The following SLC7A7 variants were observed in gnomAD, a reference collection of about 807,000 sequenced individuals.
SLC7A7 encodes Y+L amino acid transporter 1.
SLC7A7 carries 39 observed loss-of-function variants against 47.9 expected under a neutral mutation model. The ratio of observed to expected loss-of-function variants is 0.81; its 90% CI spans 0.63 to 1.06. SLC7A7 has a LOEUF of 1.06. Among genes scored for constraint, SLC7A7 ranks in the 50% least tolerant of loss-of-function variants. The probability of loss-of-function intolerance (pLI) is 0.00; values close to 1 mark genes in which losing one functional copy is unlikely to be tolerated. For synonymous variants in SLC7A7, 234 were observed against 242.8 expected, an observed-to-expected ratio of 0.96 and a Z score of 0.34; for missense variants, 588 against 632.0, an observed-to-expected ratio of 0.93 and a Z score of 0.75.
At chr14:22,817,020 A>T (rs4982681), upstream of SLC7A7, among the ~76,000 whole-genome samples, 3 of 151,848 alleles carry the variant, frequency 2.0e-5, no homozygotes, top group African/African-American at 4.8e-5. Context: ...GGACTTAAGC[A>T]CATTATCTCA....
At chr14:22,818,607 G>GA (rs2039437951), upstream of SLC7A7, among the ~76,000 whole-genome samples, 1 of 129,898 alleles carries the variant, frequency 7.7e-6, no homozygotes, top group African/African-American at 3.2e-5. Flanking sequence ...TTGGTTTTTG[G>GA]GTTTTTTTTA....
chr14:22,813,451 G>A lies in SLC7A7; in HGVS notation c.-42-11C>T, dbSNP rs371332274. 819 of 1,599,036 alleles carry A rather than the reference G, an allele frequency of 5.1e-4. 5 individuals carry two copies. The South Asian group carries it at 8.6e-3, about 17-fold the overall frequency. ...CTTCCTGGCATTGCCCTTTAAGGAA[G>A]AAAGATGATGCTATAGATTAGGTGG... On this transcript the variant is annotated splice_polypyrimidine_tract_variant and intron_variant, in intron 1 of 9. Coordinates refer to ENST00000674313, the MANE Select transcript of SLC7A7 (RefSeq NM_003982.4).
In SLC7A7 at chr14:22,811,645, T is replaced by C. The variant is rs141077504; in HGVS notation, c.499+1255A>G. Among the ~76,000 whole-genome samples the C allele has an allele frequency of 5.1e-3, 770 of 151,402 alleles. 8 individuals are homozygous for C. The highest frequency in any genetic ancestry group is 0.018 in the African/African-American group (728 of 41,240). On this transcript the variant is annotated intron_variant, in intron 2 of 9. Transcript: ENST00000674313. The stretch of plus-strand genomic sequence containing the variant: ...CAGGTAGATCACTTGAGCTCAGGAG[T>C]TCGAGTCCAGCCTGGCCAACACAGT...
intron 2 of SLC7A7, among the ~76,000 whole-genome samples, chr14:22,793,826 A>AT (rs1319740858): frequency 6.6e-6 from 1 of 152,060 alleles, no homozygotes; most frequent in African/African-American, 2.4e-5. Flanking sequence ...GAAAAAAAAA[A>AT]AGAAATTATG....
At chr14:22,787,162 G>A (rs541873177) in intron 2 of SLC7A7, among the ~76,000 whole-genome samples, 5 of 152,232 alleles carry the variant, frequency 3.3e-5, no homozygotes, top group South Asian at 4.1e-4. Flanking sequence ...AGGGCCGGGC[G>A]CAGTGGCTCA....
At chr14:22,797,973 C>A (rs1309433038) in intron 2 of SLC7A7, among the ~76,000 whole-genome samples, 1 of 152,144 alleles carries the variant, frequency 6.6e-6, no homozygotes, top group African/African-American at 2.4e-5. Flanking sequence ...GATCACATTT[C>A]TATGAGGTAG....
rs1024292346 is a variant in SLC7A7 at position 22,785,945 on chromosome 14, C to A, written c.500-5894G>T. ...GCTGAGGCAGGAGAATGACGTGAAC[C>A]CGGGAGGCGGAGCTTGCAGTGAACC... On this transcript the variant is annotated intron_variant, in intron 2 of 9. Transcript: ENST00000674313. 1.3e-5 allele frequency among the ~76,000 whole-genome samples: 2 copies of A among 150,870 alleles called. 1 individual carries two copies. Among genetic ancestry groups the A allele is most frequent in the Admixed American group, 1.3e-4 (2 of 15,096 alleles).
intron 2 of SLC7A7, among the ~76,000 whole-genome samples, chr14:22,803,931 T>C (rs2139441764): frequency 6.6e-6 from 1 of 152,314 alleles, no homozygotes; most frequent in South Asian, 2.1e-4. Flanking sequence ...GCCCAACATG[T>C]TCAGAAAAAA....
At chr14:22,773,850 A>G in intron 9 of SLC7A7, 83 bp downstream of exon 9, 2 of 1,583,476 alleles carry the variant, frequency 1.3e-6, no homozygotes, top group African/African-American at 1.3e-5. Context: ...TAAGGCAAAG[A>G]TGTCTTTGGA....
intron 5 of SLC7A7, 44 bp from the exon 6 acceptor site, chr14:22,775,980 G>A (rs374532972): frequency 1.3e-6 from 2 of 1,525,104 alleles, no homozygotes; most frequent in Non-Finnish European, 9.1e-7. Context: ...ATCTAAAAGG[G>A]ATGAAAGACA....
chr14:22,773,687 A>G lies in SLC7A7; in HGVS notation c.1459T>C (p.Cys487Arg). 1.2e-6 allele frequency: 2 copies of G among 1,614,204 alleles called. No homozygotes were observed. The highest frequency in any genetic ancestry group is 1.7e-6 in the Non-Finnish European group (2 of 1,180,034). Residue 487 changes from cysteine to arginine, a missense_variant, in exon 10 of 10, where the codon TGT (cysteine) becomes CGT (arginine). Physicochemically the swap from Cys to Arg is radical, Grantham distance 180 (BLOSUM62 -3). Coordinates refer to ENST00000674313, the MANE Select transcript of SLC7A7 (RefSeq NM_003982.4). ...GSATRYLQVL[C>R]MSVAAEMDLE... ...TCCATTTCTGCAGCAACTGACATAC[A>G]CAGGACCTGGAGGTACCTTGTGGCA... is the stretch of plus-strand genomic sequence containing the variant.
chr14:22,795,385 GCTTTCTTTCTTT>G (rs1160830498), intron 2 of SLC7A7, among the ~76,000 whole-genome samples: 9 of 14,498 alleles, frequency 6.2e-4, no homozygotes, highest in African/African-American at 1.9e-3. Context: ...TTGCTTGCTT[GCTTTCTTTCTTT>G]CTTTCTTTCT....
At chr14:22,815,541 TG>T (rs1325218027), upstream of SLC7A7, 1 of 454,178 alleles carries the variant, frequency 2.2e-6, no homozygotes, top group African/African-American at 2.0e-5. Flanking sequence ...AGCAACCATC[TG>T]GGTCCAAGGT....
At chr14:22,789,369 A>G (rs1472242602) in intron 2 of SLC7A7, among the ~76,000 whole-genome samples, 3 of 152,222 alleles carry the variant, frequency 2.0e-5, no homozygotes, top group Admixed American at 6.5e-5. Flanking sequence ...CTGTAATCCC[A>G]GCACTTTAGG....
chr14:22,779,822 A>T, intron 3 of SLC7A7, 104 bp downstream of exon 3: 1 of 1,075,822 alleles, frequency 9.3e-7, no homozygotes, highest in Non-Finnish European at 1.4e-6. Flanking sequence ...CCCACCGAAT[A>T]AGGTTATAGT....
At chr14:22,781,901 G>C (rs2038725528) in intron 2 of SLC7A7, among the ~76,000 whole-genome samples, 1 of 152,124 alleles carries the variant, frequency 6.6e-6, no homozygotes, top group South Asian at 2.1e-4. Context: ...GTAACCATGA[G>C]TCATAACACC....
chr14:22,807,738 C>T (rs776564510), intron 2 of SLC7A7, among the ~76,000 whole-genome samples: 8 of 152,162 alleles, frequency 5.3e-5, no homozygotes, highest in Non-Finnish European at 1.0e-4. Flanking sequence ...CTTGCACCTC[C>T]ACACCTTTGC....
chr14:22,790,402 C>T (rs950703189), intron 2 of SLC7A7, among the ~76,000 whole-genome samples: 10 of 149,134 alleles, frequency 6.7e-5, no homozygotes, highest in Non-Finnish European at 1.0e-4. Context: ...TGGTACTATT[C>T]ATTACATTTG....
At chr14:22,785,448 G>A (rs959319051) in intron 2 of SLC7A7, among the ~76,000 whole-genome samples, 4 of 151,664 alleles carry the variant, frequency 2.6e-5, no homozygotes, top group African/African-American at 7.3e-5. Flanking sequence ...TGAATATCAC[G>A]GCCAGGCGCT....
Sources: allele counts gnomAD v4.1 joint callset (sites outside exome capture counted in the v4.1 genomes callset), GRCh38; gene constraint gnomAD v4.1.1; transcripts MANE v1.5; gene names NCBI Gene and HGNC (gene_info 2026-07-23, HGNC 2026-07-21).